KCNJ4: variants seen among roughly 807,000 people sequenced by gnomAD.
KCNJ4 encodes inward rectifier potassium channel 4.
KCNJ4 carries 3 observed loss-of-function variants against 25.6 expected under a neutral mutation model. That is an observed-to-expected ratio of 0.12 (90% confidence interval 0.05 to 0.30). The LOEUF (loss-of-function observed/expected upper bound fraction) is 0.30. Ranked by LOEUF, KCNJ4 falls within the 10% of genes least tolerant of loss-of-function variation. The pLI is 1.00. For missense variants in KCNJ4, 286 were observed against 666.8 expected (o/e 0.43, Z 6.29); for synonymous variants, 257 against 283.9 (o/e 0.91, Z 0.95).
chr22:38,433,979 G>A (rs1441239138), intron 1 of KCNJ4, among the ~76,000 whole-genome samples: 1 of 152,130 alleles, frequency 6.6e-6, no homozygotes, highest in African/African-American at 2.4e-5. Flanking sequence ...CAGCAGCCTC[G>A]GCAGGTCCCA....
At chr22:38,452,547 C>T (rs915684611) in intron 1 of KCNJ4, among the ~76,000 whole-genome samples, 1 of 152,206 alleles carries the variant, frequency 6.6e-6, no homozygotes, top group Middle Eastern at 3.2e-3. Flanking sequence ...CTGCTCTCCT[C>T]GTGCAGGGGG....
At chr22:38,444,624 G>A (rs1031617675) in intron 1 of KCNJ4, among the ~76,000 whole-genome samples, 2 of 152,206 alleles carry the variant, frequency 1.3e-5, no homozygotes, top group African/African-American at 4.8e-5. Context: ...TAGTGGGAGA[G>A]GGCATGGGAG....
At chr22:38,452,198 A>G (rs4821788) in intron 1 of KCNJ4, among the ~76,000 whole-genome samples, 80,501 of 152,050 alleles carry the variant, frequency 0.53, 22,113 homozygotes, top group East Asian at 0.8. Context: ...CTTTCAGGAG[A>G]ATCGCCAAGA....
At chr22:38,450,530 CTT>C (rs943960375) in intron 1 of KCNJ4, among the ~76,000 whole-genome samples, 5 of 152,200 alleles carry the variant, frequency 3.3e-5, no homozygotes, top group African/African-American at 1.2e-4. Flanking sequence ...GCGCCGATAA[CTT>C]TCCTCCTGCA....
At chr22:38,445,242 G>C (rs535804259) in intron 1 of KCNJ4, among the ~76,000 whole-genome samples, 1 of 152,076 alleles carries the variant, frequency 6.6e-6, no homozygotes, top group Admixed American at 6.5e-5. Context: ...AGGAGCATGG[G>C]TGCCTGGACC....
Position 38,452,899 on chromosome 22 carries a change from C to T in KCNJ4, c.-40+2081G>A, listed in dbSNP as rs1007341880. 2.6e-5 allele frequency among the ~76,000 whole-genome samples: 4 copies of T among 150,988 alleles called. No individual in the cohort carries two copies. In the East Asian group the frequency reaches 7.9e-4, roughly 30 times the overall value. ...CCCGCCACCCCCACCCCACACTGCT[C>T]CAGCTCTGTTTCCCACCGCCGCTAG... On this transcript the variant is annotated intron_variant, in intron 1 of 1. Transcript: ENST00000303592.
chr22:38,430,332 G>A (rs1421099375), intron 1 of KCNJ4, among the ~76,000 whole-genome samples: 22 of 152,126 alleles, frequency 1.4e-4, no homozygotes, highest in African/African-American at 3.4e-4. Context: ...AAGAAACCCC[G>A]TCTCTACTGA....
intron 1 of KCNJ4, among the ~76,000 whole-genome samples, chr22:38,445,882 G>A: frequency 6.6e-6 from 1 of 152,158 alleles, no homozygotes; most frequent in East Asian, 1.9e-4. Flanking sequence ...GTGACGGGCG[G>A]TGCTTGGACT....
At chr22:38,433,343 G>A (rs530553063) in intron 1 of KCNJ4, among the ~76,000 whole-genome samples, 1 of 152,244 alleles carries the variant, frequency 6.6e-6, no homozygotes, top group South Asian at 2.1e-4. Flanking sequence ...CTACTCGGGA[G>A]GCTGAGGCAG....
At chr22:38,446,709 C>T (rs1335458729) in intron 1 of KCNJ4, among the ~76,000 whole-genome samples, 1 of 152,168 alleles carries the variant, frequency 6.6e-6, no homozygotes, top group Non-Finnish European at 1.5e-5. Context: ...AATCCCACCA[C>T]TTTGGGAGGC....
At chr22:38,440,856 C>T (rs1402246804) in intron 1 of KCNJ4, among the ~76,000 whole-genome samples, 5 of 152,122 alleles carry the variant, frequency 3.3e-5, no homozygotes, top group African/African-American at 1.2e-4. Flanking sequence ...GGCCAGGTTT[C>T]GGGAGCGACG....
chr22:38,445,025 G>A (rs534131126), intron 1 of KCNJ4, among the ~76,000 whole-genome samples: 2 of 152,104 alleles, frequency 1.3e-5, no homozygotes, highest in African/African-American at 4.8e-5. Context: ...GTCACAAACC[G>A]GCTTTGCTGA....
Position 38,455,169 on chromosome 22 carries a change from C to T in KCNJ4, c.-229G>A, listed in dbSNP as rs1334567169. On this transcript the variant is annotated 5_prime_UTR_variant, in exon 1 of 2. Transcript: ENST00000303592. ...GGTCTGCGCGTGGGTCTTGGGGTCT[C>T]CGCGCGTCCCGGCCGTCCCGCGCCG... The T allele has an allele frequency of 2.0e-5, 3 of 148,824 alleles. No homozygotes were observed. Among genetic ancestry groups the T allele is most frequent in the Non-Finnish European group, 4.5e-5 (3 of 66,836 alleles). 9.2% of individuals were successfully genotyped at this position (148,824 alleles called of 1,614,324 possible).
At chr22:38,444,449 T>C (rs2089359235) in intron 1 of KCNJ4, among the ~76,000 whole-genome samples, 1 of 152,182 alleles carries the variant, frequency 6.6e-6, no homozygotes, top group African/African-American at 2.4e-5. Flanking sequence ...ACAATGGCCA[T>C]GAGCAGAGGG....
At chr22:38,441,759 GC>G (rs1255613646) in intron 1 of KCNJ4, among the ~76,000 whole-genome samples, 1 of 152,138 alleles carries the variant, frequency 6.6e-6, no homozygotes, top group Admixed American at 6.5e-5. Flanking sequence ...CGCCTCCTGG[GC>G]CCTCCTGGGA....
Position 38,427,098 on chromosome 22 carries a change from C to A in KCNJ4, c.1035G>T (p.Thr345=), listed in dbSNP as rs749769515. 2 of 1,612,928 alleles carry A rather than the reference C, an allele frequency of 1.2e-6. No individual in the cohort carries two copies. Among genetic ancestry groups the A allele is most frequent in the African/African-American group, 1.3e-5 (1 of 75,048 alleles). Reference sequence around the variant, plus strand: ...GCAGCTCCCGGGCCGAGCAGCAGGGCGTGCCGGCCACCTCGTAGGTCTTGT... The same window carrying A: ...GCAGCTCCCGGGCCGAGCAGCAGGGAGTGCCGGCCACCTCGTAGGTCTTGT... ...RFHKTYEVAG[T]PCCSARELQE... Residue 345 remains threonine (T), a synonymous_variant, in exon 2 of 2, where the codon ACG becomes ACT. Coordinates refer to ENST00000303592, the MANE Select transcript of KCNJ4 (RefSeq NM_152868.3).
chr22:38,437,502 G>A (rs1052379639), intron 1 of KCNJ4, among the ~76,000 whole-genome samples: 3 of 152,190 alleles, frequency 2.0e-5, no homozygotes, highest in Non-Finnish European at 2.9e-5. Context: ...CCTGGCTGGG[G>A]CTTCCACTCA....
intron 1 of KCNJ4, among the ~76,000 whole-genome samples, chr22:38,447,893 G>A (rs1396500247): frequency 4.0e-5 from 6 of 151,736 alleles, no homozygotes; most frequent in African/African-American, 7.3e-5. Flanking sequence ...GTGAAACTTC[G>A]TCTCTACTAA....
At chr22:38,448,703 C>T (rs2089392579) in intron 1 of KCNJ4, among the ~76,000 whole-genome samples, 1 of 152,204 alleles carries the variant, frequency 6.6e-6, no homozygotes, top group South Asian at 2.1e-4. Flanking sequence ...GAGGCTCTGC[C>T]ACCATTGCTG....
Sources: allele counts gnomAD v4.1 joint callset (sites outside exome capture counted in the v4.1 genomes callset), GRCh38; gene constraint gnomAD v4.1.1; transcripts MANE v1.5; gene names NCBI Gene and HGNC (gene_info 2026-07-23, HGNC 2026-07-21).